CDH12: variants seen among roughly 807,000 people sequenced by gnomAD.
The protein encoded by CDH12 is cadherin-12.
In CDH12, 41 loss-of-function variants were observed where a neutral mutation model predicts 74.1. The observed-to-expected ratio is 0.55, with a 90% CI of 0.43 to 0.72. The LOEUF (loss-of-function observed/expected upper bound fraction) is 0.72, where lower values mean the gene tolerates loss of function less well. CDH12 is among the 30% of genes least tolerant of loss of function. The pLI is 0.00. For synonymous variants in CDH12, 399 were observed against 355.0 expected, an observed-to-expected ratio of 1.12 and a Z score of -1.39; for missense variants, 945 against 977.2, an observed-to-expected ratio of 0.97 and a Z score of 0.44.
chr5:22,078,917 T>C, intron 4 of CDH12, 55 bp from the exon 5 acceptor site: 1 of 929,666 alleles, frequency 1.1e-6, no homozygotes, highest in Non-Finnish European at 1.4e-6. Flanking sequence ...ATGATGATAT[T>C]CATCACAACG....
intron 1 of CDH12, among the ~76,000 whole-genome samples, chr5:22,560,732 C>G (rs1268678083): frequency 6.6e-6 from 1 of 151,814 alleles, no homozygotes. Flanking sequence ...TTGGACTAAC[C>G]ACCTTACAAA....
At chr5:22,357,459 C>A (rs934515489) in intron 3 of CDH12, among the ~76,000 whole-genome samples, 12 of 152,016 alleles carry the variant, frequency 7.9e-5, no homozygotes, top group African/African-American at 2.4e-4. Flanking sequence ...ATAAAAAAAA[C>A]CATCATGATT....
chr5:21,965,759 C>A (rs1343762875), intron 6 of CDH12, among the ~76,000 whole-genome samples: 2 of 151,976 alleles, frequency 1.3e-5, no homozygotes, highest in African/African-American at 4.8e-5. Flanking sequence ...TTGCTTTCAG[C>A]AATTTTCCAT....
chr5:22,022,646 CTAAA>C (rs1738064400), intron 5 of CDH12, among the ~76,000 whole-genome samples: 1 of 152,032 alleles, frequency 6.6e-6, no homozygotes, highest in South Asian at 2.1e-4. Flanking sequence ...GGCTGAGTAT[CTAAA>C]TATTAAAACC....
At chr5:22,545,446 T>C (rs1015029893) in intron 1 of CDH12, among the ~76,000 whole-genome samples, 2 of 152,196 alleles carry the variant, frequency 1.3e-5, no homozygotes, top group Non-Finnish European at 2.9e-5. Flanking sequence ...GGGCAAGGTA[T>C]AGACAGATAC....
intron 8 of CDH12, among the ~76,000 whole-genome samples, chr5:21,821,392 GTGAA>G (rs1748363177): frequency 6.6e-6 from 1 of 151,714 alleles, no homozygotes; most frequent in Non-Finnish European, 1.5e-5. Context: ...AATATATTAA[GTGAA>G]TGAATGACTT....
intron 8 of CDH12, among the ~76,000 whole-genome samples, chr5:21,831,711 C>A (rs1279456772): frequency 6.6e-6 from 1 of 151,356 alleles, no homozygotes; most frequent in Non-Finnish European, 1.5e-5. Flanking sequence ...CCCTGATTCT[C>A]GGGGGATTGT....
chr5:22,746,536 C>T (rs771070445), intron 1 of CDH12, among the ~76,000 whole-genome samples: 1 of 152,048 alleles, frequency 6.6e-6, no homozygotes, highest in East Asian at 1.9e-4. Context: ...AAAATCAACA[C>T]CAAGAAAGAG....
rs116031319 is a variant in CDH12, at chr5:21,905,159, C to T, written c.527-50369G>A. On this transcript the variant is annotated intron_variant, in intron 6 of 14. Transcript: ENST00000382254. ...TGCCGTAGAGCACAGGAAATGTGTG[C>T]GGTGAAGCAGGAAGAGAGCAGAGAG... 3.4e-3 allele frequency among the ~76,000 whole-genome samples: 524 copies of T among 152,266 alleles called. 2 individuals carry two copies. Among genetic ancestry groups the T allele is most frequent in the Non-Finnish European group, 5.9e-3 (401 of 68,018 alleles).
chr5:21,881,027 A>C (rs986049456), intron 6 of CDH12, among the ~76,000 whole-genome samples: 2 of 152,132 alleles, frequency 1.3e-5, no homozygotes, highest in Non-Finnish European at 2.9e-5. Flanking sequence ...GAGAATAATA[A>C]AATCTTAGTT....
intron 1 of CDH12, among the ~76,000 whole-genome samples, chr5:22,681,906 T>C (rs993760102): frequency 1.3e-5 from 2 of 152,044 alleles, no homozygotes; most frequent in Admixed American, 1.3e-4. Context: ...TAGTTATCTT[T>C]CAGTTTGGTT....
chr5:22,131,984 A>G lies in CDH12; in HGVS notation c.-186-53122T>C, dbSNP rs114575733. Among the ~76,000 whole-genome samples the G allele has an allele frequency of 3.7e-3, 565 of 152,266 alleles. 10 individuals carry two copies. Among genetic ancestry groups the G allele is most frequent in the African/African-American group, 0.013 (533 of 41,576 alleles). Reference sequence around the variant, plus strand: ...GAAAGGAAAACTTAAGTTCTTCCTTATAAGAATTTAAAACGTGTATCTCCA... The same window carrying G: ...GAAAGGAAAACTTAAGTTCTTCCTTGTAAGAATTTAAAACGTGTATCTCCA... On this transcript the variant is annotated intron_variant, in intron 4 of 14. Transcript: ENST00000382254.
intron 6 of CDH12, among the ~76,000 whole-genome samples, chr5:21,880,680 TTTCTTTCTTTC>T (rs1166952522): frequency 4.7e-4 from 64 of 135,270 alleles, no homozygotes; most frequent in African/African-American, 1.7e-3. Flanking sequence ...TCTTTCTTTC[TTTCTTTCTTTC>T]TCTTTTCTCC....
At chr5:21,877,738 G>T (rs1752015421) in intron 6 of CDH12, among the ~76,000 whole-genome samples, 1 of 152,186 alleles carries the variant, frequency 6.6e-6, no homozygotes. Flanking sequence ...AGTGACAAAA[G>T]AATGCAATAA....
chr5:22,516,695 T>A (rs1198763103), intron 1 of CDH12, among the ~76,000 whole-genome samples: 4 of 151,976 alleles, frequency 2.6e-5, no homozygotes, highest in Non-Finnish European at 4.4e-5. Flanking sequence ...CTAGCGAGAC[T>A]GGAGTGGGAG....
At position 21,846,855 on chromosome 5, in the gene CDH12, G is replaced by T. The variant is rs528594087; in HGVS notation, c.647-4527C>A. On this transcript the variant is annotated intron_variant, in intron 7 of 14. Coordinates refer to ENST00000382254, the MANE Select transcript of CDH12 (RefSeq NM_004061.5). The stretch of plus-strand genomic sequence containing the variant: ...AATAATGTCATAAAAGAAGAAAATG[G>T]TTTTTTGTAGACAGCATATGACAAA... Among the ~76,000 whole-genome samples, 5 of 152,180 alleles carry T rather than the reference G, an allele frequency of 3.3e-5. No homozygotes were observed. In the South Asian group the frequency reaches 8.3e-4, roughly 25 times the overall value.
rs1207157412 is a variant in CDH12 at position 21,950,941 on chromosome 5, C to G, written c.526+24150G>C. On this transcript the variant is annotated intron_variant, in intron 6 of 14. Transcript: ENST00000382254. ...AGCTGGTACTACAGGTGCCCACCAC[C>G]ACGCCCAGCTAATTTTTTTGTGTTT... 4.6e-5 allele frequency among the ~76,000 whole-genome samples: 7 copies of G among 150,914 alleles called. No individual in the cohort carries two copies. The East Asian group carries it at 1.4e-3, about 29-fold the overall frequency.
At chr5:21,925,097 C>A (rs974327756) in intron 6 of CDH12, among the ~76,000 whole-genome samples, 3 of 152,162 alleles carry the variant, frequency 2.0e-5, no homozygotes, top group African/African-American at 2.4e-5. Flanking sequence ...CCAGCTACAG[C>A]GTTACTACAG....
intron 1 of CDH12, among the ~76,000 whole-genome samples, chr5:22,726,280 G>T (rs1459031459): frequency 6.6e-6 from 1 of 151,606 alleles, no homozygotes; most frequent in Non-Finnish European, 1.5e-5. Flanking sequence ...ATGTCATATG[G>T]TTGGAATTAT....
Sources: allele counts gnomAD v4.1 joint callset (sites outside exome capture counted in the v4.1 genomes callset), GRCh38; gene constraint gnomAD v4.1.1; transcripts MANE v1.5; gene names NCBI Gene and HGNC (gene_info 2026-07-23, HGNC 2026-07-21).